Variants in AS3MT observed in about 807,000 individuals in gnomAD.
The protein encoded by AS3MT is S-adenosyl-L-methionine:arsenic(III) methyltransferase.
In AS3MT, 47 loss-of-function variants were observed where a neutral mutation model predicts 45.3. The ratio of observed to expected loss-of-function variants is 1.04; its 90% CI spans 0.82 to 1.32. The LOEUF is 1.32. Among genes scored for constraint, AS3MT ranks in the 40% most tolerant of loss-of-function variants. The pLI, the probability that AS3MT is intolerant of heterozygous loss-of-function variation, is 0.00. For missense variants in AS3MT, 396 were observed against 451.1 expected, an observed-to-expected ratio of 0.88 and a Z score of 1.11; for synonymous variants, 141 against 152.8, an observed-to-expected ratio of 0.92 and a Z score of 0.57.
chr10:102,873,275 TTTA>T (rs547139234), intron 5 of AS3MT, 42 bp downstream of exon 5: 1,271 of 1,309,844 alleles, frequency 9.7e-4, no homozygotes, highest in South Asian at 1.5e-3. Context: ...GCCCATTTTC[TTTA>T]TTATTATTAT....
Position 102,872,531 on chromosome 10 carries a change from G to T in AS3MT, c.254G>T (p.Cys85Phe), listed in dbSNP as rs772572895. 5.6e-6 allele frequency: 9 copies of T among 1,613,890 alleles called. No homozygotes were observed. Among genetic ancestry groups the T allele is most frequent in the Non-Finnish European group, 7.6e-6 (9 of 1,179,960 alleles). The change falls in exon 4 of 11, where the codon TGC becomes TTC. Residue 85 changes from cysteine to phenylalanine, a missense_variant. Cys to Phe is a radical substitution (Grantham distance 205, BLOSUM62 -2). Transcript: ENST00000369880. ...CTGGGTAGTGGAAGTGGCAGAGATTGCTATGTACTTAGCCAGCTGGTTGGT... is the reference window on the plus strand; with the variant it reads ...CTGGGTAGTGGAAGTGGCAGAGATTTCTATGTACTTAGCCAGCTGGTTGGT... Reference protein sequence around the residue: ...LDLGSGSGRDCYVLSQLVGEK... With the variant: ...LDLGSGSGRDFYVLSQLVGEK...
chr10:102,888,921 C>T (rs1225863431), intron 9 of AS3MT, among the ~76,000 whole-genome samples: 6 of 127,832 alleles, frequency 4.7e-5, no homozygotes, highest in East Asian at 4.6e-4. Flanking sequence ...CGCTCTGTCT[C>T]GCTCTGTCGC....
chr10:102,897,378 C>T (rs1028416701), intron 10 of AS3MT, among the ~76,000 whole-genome samples: 9 of 124,658 alleles, frequency 7.2e-5, no homozygotes, highest in East Asian at 2.7e-4. Flanking sequence ...AGTGAGGCTC[C>T]GTCTCAAGAA....
chr10:102,878,938 G>A lies in AS3MT; in HGVS notation c.832G>A (p.Gly278Arg). ...GAGATGCCAAGTTATTTACAATGGA[G>A]GAATTACAGGACATGAAAAAGAACT... is the stretch of plus-strand genomic sequence containing the variant. Reference protein sequence around the residue: ...TKRCQVIYNGGITGHEKELMF... With the variant: ...TKRCQVIYNGRITGHEKELMF... The change falls in exon 9 of 11, where the codon GGA becomes AGA. Residue 278 changes from glycine to arginine, a missense_variant. By Grantham distance (125) the Gly-to-Arg change is moderately radical (BLOSUM62 -2). Transcript: ENST00000369880. 1 of 1,613,656 alleles carries A rather than the reference G, an allele frequency of 6.2e-7. No individual in the cohort carries two copies. The highest frequency in any genetic ancestry group is 8.5e-7 in the Non-Finnish European group (1 of 1,179,692).
chr10:102,878,923 G>A lies in AS3MT; in HGVS notation c.817G>A (p.Val273Ile). ...GACAGGACCAACCAAGAGATGCCAA[G>A]TTATTTACAATGGAGGAATTACAGG... ...SKTGPTKRCQ[V>I]IYNGGITGHE... Residue 273 changes from valine (V) to isoleucine (I), a missense_variant, in exon 9 of 11, where the codon GTT (valine) becomes ATT (isoleucine). Coordinates refer to ENST00000369880, the MANE Select transcript of AS3MT (RefSeq NM_020682.4). 6.2e-7 allele frequency: 1 copy of A among 1,613,938 alleles called. No homozygotes were observed. Among genetic ancestry groups the A allele is most frequent in the East Asian group, 2.2e-5 (1 of 44,878 alleles).
chr10:102,890,467 C>T lies in AS3MT; in HGVS notation c.886-77C>T, dbSNP rs1411225660. The T allele has an allele frequency of 3.4e-5, 43 of 1,265,978 alleles. 1 individual carries two copies. Among genetic ancestry groups the T allele is most frequent in the Admixed American group, 7.3e-5 (3 of 41,042 alleles). 78.4% of individuals were successfully genotyped at this position (1,265,978 alleles called of 1,614,324 possible). On this transcript the variant is annotated intron_variant, in intron 9 of 10. Coordinates refer to ENST00000369880, the MANE Select transcript of AS3MT (RefSeq NM_020682.4). ...AGTGCTGGTGAGGATGTGGAGAAAA[C>T]GATACTTCTGGGCATTTTTTCTTCT...
At chr10:102,871,487 C>T (rs991981339) in intron 3 of AS3MT, among the ~76,000 whole-genome samples, 2 of 130,840 alleles carry the variant, frequency 1.5e-5, no homozygotes, top group African/African-American at 2.9e-5. Flanking sequence ...GCGGAGCTTG[C>T]AGTGAGCTGA....
chr10:102,892,188 G>A (rs1311566536), intron 10 of AS3MT, among the ~76,000 whole-genome samples: 1 of 151,946 alleles, frequency 6.6e-6, no homozygotes, highest in Non-Finnish European at 1.5e-5. Context: ...TCTGACACAC[G>A]AATACTCTTT....
chr10:102,873,695 T>C (rs771765802), intron 5 of AS3MT, among the ~76,000 whole-genome samples: 4 of 152,154 alleles, frequency 2.6e-5, no homozygotes, highest in South Asian at 2.1e-4. Flanking sequence ...GAGAGCTGGT[T>C]TGAGCTGCTG....
chr10:102,880,323 T>C (rs1844853708), intron 9 of AS3MT, among the ~76,000 whole-genome samples: 1 of 152,114 alleles, frequency 6.6e-6, no homozygotes, highest in South Asian at 2.1e-4. Context: ...TGAATGTCAC[T>C]AGACAAACTT....
intron 10 of AS3MT, among the ~76,000 whole-genome samples, chr10:102,893,148 G>GT (rs1176415589): frequency 3.3e-5 from 5 of 150,904 alleles, no homozygotes; most frequent in Non-Finnish European, 7.4e-5. Context: ...GCTAATTGCT[G>GT]TAAGTCTGTA....
At chr10:102,883,030 G>C (rs1316654656) in intron 9 of AS3MT, among the ~76,000 whole-genome samples, 1 of 151,458 alleles carries the variant, frequency 6.6e-6, no homozygotes, top group Admixed American at 6.6e-5. Context: ...CCATTGATTT[G>C]TTCTAGTGGC....
chr10:102,880,120 C>G (rs1043880471), intron 9 of AS3MT, among the ~76,000 whole-genome samples: 1 of 152,028 alleles, frequency 6.6e-6, no homozygotes, highest in African/African-American at 2.4e-5. Flanking sequence ...GGAGTATGTA[C>G]AATAGTATTT....
chr10:102,896,247 G>A (rs937425452), intron 10 of AS3MT, among the ~76,000 whole-genome samples: 5 of 148,014 alleles, frequency 3.4e-5, no homozygotes, highest in Middle Eastern at 3.4e-3. Context: ...CAGGAGGATC[G>A]TTTTGAGCCC....
At chr10:102,873,031 A>C (rs1844719714) in intron 4 of AS3MT, 66 bp from the exon 5 acceptor site, 15 of 1,367,952 alleles carry the variant, frequency 1.1e-5, no homozygotes, top group South Asian at 1.5e-5. Flanking sequence ...AGTGATAGGA[A>C]ATTTTTAGGA....
At chr10:102,871,395 ATAT>A (rs1564789883) in intron 3 of AS3MT, among the ~76,000 whole-genome samples, 4 of 151,442 alleles carry the variant, frequency 2.6e-5, no homozygotes, top group African/African-American at 7.3e-5. Flanking sequence ...AAATACAAAA[ATAT>A]TATCCGGGTG....
At chr10:102,885,966 C>T (rs921569346) in intron 9 of AS3MT, among the ~76,000 whole-genome samples, 4 of 152,138 alleles carry the variant, frequency 2.6e-5, no homozygotes, top group Admixed American at 2.0e-4. Context: ...CGCACCAGGC[C>T]AGGATTTCCT....
intron 10 of AS3MT, among the ~76,000 whole-genome samples, chr10:102,892,588 T>C (rs1247355333): frequency 6.6e-6 from 1 of 152,124 alleles, no homozygotes; most frequent in Non-Finnish European, 1.5e-5. Flanking sequence ...AGAAAATTAT[T>C]ACTGAGAGGA....
Position 102,891,575 on chromosome 10 carries a change from A to G in AS3MT, c.1020+897A>G, listed in dbSNP as rs117636150. Among the ~76,000 whole-genome samples, 456 of 152,336 alleles carry G rather than the reference A, an allele frequency of 3.0e-3. 1 individual carries two copies. The highest frequency in any genetic ancestry group is 5.4e-3 in the Non-Finnish European group (364 of 68,034). On this transcript the variant is annotated intron_variant, in intron 10 of 10. Coordinates refer to ENST00000369880, the MANE Select transcript of AS3MT (RefSeq NM_020682.4). Reference sequence around the variant, plus strand: ...TCTGGCCAAACTCTTGCTGGACTTCATGCAAATGATCAGGCAAAGTTTAAT... The same window carrying G: ...TCTGGCCAAACTCTTGCTGGACTTCGTGCAAATGATCAGGCAAAGTTTAAT...
Sources: gnomAD v4.1 joint callset for allele counts (sites outside exome capture counted in the v4.1 genomes callset) on GRCh38, gnomAD v4.1.1 for gene constraint, MANE v1.5 for transcripts, NCBI Gene and HGNC (gene_info 2026-07-23, HGNC 2026-07-21) for gene names.